RPS6KA5: variants seen among roughly 807,000 people sequenced by gnomAD.
The protein encoded by RPS6KA5 is ribosomal protein S6 kinase A5.
A neutral mutation model predicts 85.5 loss-of-function variants in RPS6KA5; 27 were observed. That is an observed-to-expected ratio of 0.32 (90% CI 0.23 to 0.44). The LOEUF is 0.44. Ranked by LOEUF, RPS6KA5 falls within the 20% of genes least tolerant of loss-of-function variation. The pLI, the probability that RPS6KA5 is intolerant of heterozygous loss-of-function variation, is 1.00. For synonymous variants in RPS6KA5, 334 were observed against 348.2 expected (o/e 0.96, Z 0.46); for missense variants, 811 against 980.9 (o/e 0.83, Z 2.31).
intron 14 of RPS6KA5, 56 bp downstream of exon 14, chr14:90,890,431 G>C: frequency 1.4e-6 from 2 of 1,445,348 alleles, no homozygotes; most frequent in Non-Finnish European, 1.9e-6. Flanking sequence ...GTGAGATAAG[G>C]AGAGAGGACA....
At chr14:90,920,135 A>G in intron 7 of RPS6KA5, 71 bp downstream of exon 7, 1 of 984,644 alleles carries the variant, frequency 1.0e-6, no homozygotes, top group Non-Finnish European at 1.6e-6. Context: ...CGTTTACATC[A>G]GCCTAACCGC....
intron 2 of RPS6KA5, among the ~76,000 whole-genome samples, chr14:90,999,897 C>A (rs1452451910): frequency 6.6e-6 from 1 of 152,170 alleles, no homozygotes; most frequent in Non-Finnish European, 1.5e-5. Flanking sequence ...AAGCAGAAAA[C>A]CAAGATCATG....
At chr14:90,906,587 G>A (rs1482662704) in intron 7 of RPS6KA5, among the ~76,000 whole-genome samples, 1 of 152,092 alleles carries the variant, frequency 6.6e-6, no homozygotes, top group African/African-American at 2.4e-5. Context: ...GGGGAAAAAC[G>A]GAAAAGCCTG....
chr14:90,872,386 T>C lies in RPS6KA5; in HGVS notation c.2161-64A>G, dbSNP rs115900933. 9.1e-4 allele frequency: 1,388 copies of C among 1,527,600 alleles called. 12 individuals carry two copies. In the African/African-American group the frequency reaches 0.017, roughly 19 times the overall value. 94.6% of individuals were successfully genotyped at this position (1,527,600 alleles called of 1,614,324 possible). ...AGTACTGAAGCTTTCCTAGCAGTTATGACTTACAGCAGAAGACAACTTTCC... is the reference window on the plus strand; with the variant it reads ...AGTACTGAAGCTTTCCTAGCAGTTACGACTTACAGCAGAAGACAACTTTCC... On this transcript the variant is annotated intron_variant, in intron 16 of 16. Transcript: ENST00000614987.
chr14:91,011,489 AAAAAG>A (rs1367216032), intron 1 of RPS6KA5, among the ~76,000 whole-genome samples: 1 of 152,286 alleles, frequency 6.6e-6, no homozygotes, highest in African/African-American at 2.4e-5. Context: ...TGTCCCAAAA[AAAAAG>A]AAAAGAAAAC....
Position 90,854,233 on chromosome 14 carries a change from A to T in RPS6KA5, c.*17841T>A. The T allele has an allele frequency of 8.0e-6, 1 of 125,462 alleles. No homozygotes were observed. The highest frequency in any genetic ancestry group is 2.0e-4 in the East Asian group (1 of 5,032). The allele number at this position is 125,462 out of a possible 1,614,324, so 7.8% of individuals were successfully genotyped here. A position where few individuals can be genotyped will look rare whatever the true frequency, so the allele number is the denominator to read the frequency against. On this transcript the variant is annotated 3_prime_UTR_variant, in exon 17 of 17. Coordinates refer to ENST00000614987, the MANE Select transcript of RPS6KA5 (RefSeq NM_004755.4). Reference sequence around the variant, plus strand: ...TGTAATTTATAATTCCTAAGTAATTATTAAATGATTAATGTTTAATCATTA... The same window carrying T: ...TGTAATTTATAATTCCTAAGTAATTTTTAAATGATTAATGTTTAATCATTA...
rs1248013955 is a variant in RPS6KA5 at position 91,044,305 on chromosome 14, AAGAG to A, written c.103+16023_103+16026del. On this transcript the variant is annotated intron_variant, in intron 1 of 16. Transcript: ENST00000614987. ...AGAGAGAGAGAGAGAAAGAGAGAGA[AAGAG>A]AGAGAGAGAAAGAGAGAGAGAAAGA... Among the ~76,000 whole-genome samples the A allele has an allele frequency of 7.5e-5, 9 of 119,206 alleles. No homozygotes were observed. In the East Asian group the frequency reaches 1.5e-3, roughly 20 times the overall value. 78.2% of individuals were successfully genotyped at this position (119,206 alleles called of 152,430 possible). A position where few individuals can be genotyped will look rare whatever the true frequency, so the allele number is the denominator to read the frequency against.
rs1416021973 is a variant in RPS6KA5 at position 91,060,345 on chromosome 14, G to A, written c.90C>T (p.His30=). The change falls in exon 1 of 17, where the codon CAC becomes CAT. Residue 30 remains histidine (H), a synonymous_variant. Coordinates refer to ENST00000614987, the MANE Select transcript of RPS6KA5 (RefSeq NM_004755.4). ...GGGGTCGCTCACCAGTCCGCAGCTC[G>A]TGCTTGACAGTGAGGAGCTGCTCTC... ...DGGEQLLTVK[H]ELRTANLTGH... 1.4e-6 allele frequency: 2 copies of A among 1,445,232 alleles called. No homozygotes were observed. Among genetic ancestry groups the A allele is most frequent in the Non-Finnish European group, 1.8e-6 (2 of 1,090,564 alleles). The allele number at this position is 1,445,232 out of a possible 1,614,324, so 89.5% of individuals were successfully genotyped here. A position where few individuals can be genotyped will look rare whatever the true frequency, so the allele number is the denominator to read the frequency against.
chr14:90,927,558 T>C (rs1258364660), intron 5 of RPS6KA5, among the ~76,000 whole-genome samples: 1 of 152,082 alleles, frequency 6.6e-6, no homozygotes, highest in Non-Finnish European at 1.5e-5. Context: ...AGTATCTTTA[T>C]TAATAGGAGG....
At chr14:90,987,025 A>G (rs186225249) in intron 2 of RPS6KA5, among the ~76,000 whole-genome samples, 7 of 152,368 alleles carry the variant, frequency 4.6e-5, no homozygotes, top group Non-Finnish European at 1.0e-4. Flanking sequence ...TTGTATTTAC[A>G]CTAGAGAGAC....
At chr14:90,936,465 G>A (rs905739214) in intron 5 of RPS6KA5, among the ~76,000 whole-genome samples, 8 of 152,172 alleles carry the variant, frequency 5.3e-5, no homozygotes, top group African/African-American at 9.7e-5. Flanking sequence ...TTGGGAGTCT[G>A]AGGTGGGAGG....
At chr14:90,931,206 T>C (rs1009007450) in intron 5 of RPS6KA5, among the ~76,000 whole-genome samples, 2 of 152,168 alleles carry the variant, frequency 1.3e-5, no homozygotes, top group Non-Finnish European at 2.9e-5. Flanking sequence ...TTATTCAGCC[T>C]TAATAAAGAA....
At chr14:90,910,179 C>CT (rs1236791189) in intron 7 of RPS6KA5, among the ~76,000 whole-genome samples, 35 of 152,262 alleles carry the variant, frequency 2.3e-4, no homozygotes, top group African/African-American at 1.2e-4. Context: ...AAAGCAAGAC[C>CT]TTGCCTTATA....
At chr14:90,879,180 G>A (rs1422335380) in intron 14 of RPS6KA5, among the ~76,000 whole-genome samples, 3 of 152,216 alleles carry the variant, frequency 2.0e-5, no homozygotes, top group African/African-American at 7.2e-5. Context: ...ACCAAGTCAG[G>A]TAGGCACAGC....
chr14:91,033,239 A>G (rs2042264067), intron 1 of RPS6KA5, among the ~76,000 whole-genome samples: 1 of 151,976 alleles, frequency 6.6e-6, no homozygotes, highest in Admixed American at 6.6e-5. Flanking sequence ...AATAATAAGG[A>G]AAATGTAAAT....
At chr14:90,890,795 G>A (rs1470760787) in intron 13 of RPS6KA5, 117 bp from the exon 14 acceptor site, 1 of 854,982 alleles carries the variant, frequency 1.2e-6, no homozygotes, top group East Asian at 2.6e-5. Context: ...GAGGTCTCAT[G>A]GGGAGGCGCG....
At chr14:90,963,902 C>G (rs565413853) in intron 3 of RPS6KA5, among the ~76,000 whole-genome samples, 2 of 152,072 alleles carry the variant, frequency 1.3e-5, no homozygotes, top group Non-Finnish European at 2.9e-5. Context: ...GGTATCAGAG[C>G]ACAGTAGTGG....
At chr14:90,967,958 T>C (rs1048608471) in intron 3 of RPS6KA5, among the ~76,000 whole-genome samples, 2 of 152,216 alleles carry the variant, frequency 1.3e-5, no homozygotes, top group African/African-American at 2.4e-5. Flanking sequence ...TGATGCTCCT[T>C]ACCCACTGTT....
In RPS6KA5 at chr14:90,869,734, T is replaced by A. The variant is rs1484987134; in HGVS notation, c.*2340A>T. ...TTCTGAATTTTAAAGTGCAATTCACTGTATGTTAATACACAGCCTGCATAG... is the reference window on the plus strand; with the variant it reads ...TTCTGAATTTTAAAGTGCAATTCACAGTATGTTAATACACAGCCTGCATAG... On this transcript the variant is annotated 3_prime_UTR_variant, in exon 17 of 17. Transcript: ENST00000614987. The A allele has an allele frequency of 1.3e-5, 2 of 152,260 alleles. No individual in the cohort carries two copies. The highest frequency in any genetic ancestry group is 2.9e-5 in the Non-Finnish European group (2 of 68,044). The allele number at this position is 152,260 out of a possible 1,614,324, so 9.4% of individuals were successfully genotyped here.
Sources: allele counts gnomAD v4.1 joint callset (sites outside exome capture counted in the v4.1 genomes callset), GRCh38; gene constraint gnomAD v4.1.1; transcripts MANE v1.5; gene names NCBI Gene and HGNC (gene_info 2026-07-23, HGNC 2026-07-21).